The following UROS variants were observed in gnomAD, a reference collection of about 807,000 sequenced individuals.
UROS encodes uroporphyrinogen III synthase, also known as uroporphyrinogen-III synthase.
In UROS, 18 loss-of-function variants were observed where a neutral mutation model predicts 33.0. The observed-to-expected ratio is 0.55, with a 90% CI of 0.38 to 0.81. The LOEUF (loss-of-function observed/expected upper bound fraction) is 0.81, where lower values mean the gene tolerates loss of function less well. Among genes scored for constraint, UROS ranks in the 30% least tolerant of loss-of-function variants. UROS has a pLI of 0.00. For synonymous variants in UROS, 114 were observed against 121.1 expected (o/e 0.94, Z 0.38); for missense variants, 293 against 314.9 (o/e 0.93, Z 0.53).
chr10:125,803,703 G>A (rs1487349244), intron 6 of UROS, among the ~76,000 whole-genome samples: 2 of 152,218 alleles, frequency 1.3e-5, no homozygotes, highest in Non-Finnish European at 2.9e-5. Flanking sequence ...AGGGGCTGAT[G>A]TAAGGCCCCG....
chr10:125,801,960 A>G (rs1564786304), intron 6 of UROS: 2 of 962,124 alleles, frequency 2.1e-6, no homozygotes, highest in Non-Finnish European at 2.5e-6. Flanking sequence ...TCTTCACTGA[A>G]AACAGGCAGG....
rs1381544556 is a variant in UROS, at chr10:125,794,913, C to T, written c.627G>A (p.Gln209=). 4 of 1,613,998 alleles carry T rather than the reference C, an allele frequency of 2.5e-6. No individual in the cohort carries two copies. Among genetic ancestry groups the T allele is most frequent in the Non-Finnish European group, 3.4e-6 (4 of 1,180,012 alleles). ...GATCGATATTGTCACCAGATAACTC[C>T]TGAATGTGCTTGAGACTGTATGTGA... ...SGLTYSLKHI[Q]ELSGDNIDQI... The change falls in exon 9 of 10, where the codon CAG becomes CAA. Residue 209 remains glutamine (Q), a synonymous_variant. Transcript: ENST00000368797.
At chr10:125,789,547 A>G (rs1850770417) in intron 9 of UROS, 1 of 202,182 alleles carries the variant, frequency 4.9e-6, no homozygotes, top group Non-Finnish European at 9.7e-6. Context: ...CCGAAAAGAT[A>G]ACAGGACTCT....
intron 7 of UROS, among the ~76,000 whole-genome samples, chr10:125,797,148 C>T (rs186717978): frequency 3.3e-5 from 5 of 152,246 alleles, no homozygotes; most frequent in East Asian, 1.9e-4. Context: ...AGAAGGGATA[C>T]GATCTAGCTC....
At chr10:125,817,041 A>T (rs975708428) in intron 1 of UROS, among the ~76,000 whole-genome samples, 1 of 152,158 alleles carries the variant, frequency 6.6e-6, no homozygotes, top group African/African-American at 2.4e-5. Context: ...CAAAAGCTTT[A>T]TATACTTCAT....
intron 1 of UROS, 116 bp from the exon 2 acceptor site, chr10:125,816,641 T>C (rs537987293): frequency 2.1e-6 from 2 of 971,642 alleles, no homozygotes; most frequent in Admixed American, 2.0e-5. Context: ...AAGAGACCTA[T>C]CCCTCCTACA....
intron 9 of UROS, chr10:125,789,429 G>C (rs1376829531): frequency 1.9e-6 from 2 of 1,063,404 alleles, no homozygotes; most frequent in African/African-American, 3.3e-5. Context: ...GAGCCATCAA[G>C]GTCAGGGCTC....
intron 1 of UROS, among the ~76,000 whole-genome samples, chr10:125,822,162 C>T (rs1853981567): frequency 6.6e-6 from 1 of 152,142 alleles, no homozygotes; most frequent in Non-Finnish European, 1.5e-5. Flanking sequence ...CTGATGAACC[C>T]TGTTTCTCTC....
At chr10:125,812,398 G>C in intron 4 of UROS, 110 bp from the exon 5 acceptor site, 1 of 915,920 alleles carries the variant, frequency 1.1e-6, no homozygotes, top group South Asian at 1.4e-5. Context: ...CAAACTATTA[G>C]CAACCAAATG....
In UROS at chr10:125,800,425, G is replaced by A. The variant is rs7906141; in HGVS notation, c.395-2280C>T. On this transcript the variant is annotated intron_variant, in intron 6 of 9. Coordinates refer to ENST00000368797, the MANE Select transcript of UROS (RefSeq NM_000375.3). The stretch of plus-strand genomic sequence containing the variant: ...GTGTGCGTGCTGGGGGAACGGGGCG[G>A]AGTCACTAGGATTCGCACCTTACGC... Among the ~76,000 whole-genome samples, 592 of 152,334 alleles carry A rather than the reference G, an allele frequency of 3.9e-3. 5 individuals are homozygous for A. The highest frequency in any genetic ancestry group is 0.027 in the South Asian group (130 of 4,832).
intron 3 of UROS, 24 bp downstream of exon 3, chr10:125,816,153 G>T: frequency 6.2e-7 from 1 of 1,602,386 alleles, no homozygotes; most frequent in Non-Finnish European, 8.6e-7. Context: ...CACTAACATG[G>T]TGCTCAGTCA....
intron 6 of UROS, among the ~76,000 whole-genome samples, chr10:125,800,665 A>G (rs1851775548): frequency 6.6e-6 from 1 of 150,916 alleles, no homozygotes; most frequent in Non-Finnish European, 1.5e-5. Context: ...GGGCTCATGC[A>G]ATTCTCCTGC....
intron 4 of UROS, among the ~76,000 whole-genome samples, chr10:125,813,629 C>T (rs541341427): frequency 6.6e-6 from 1 of 152,272 alleles, no homozygotes; most frequent in African/African-American, 2.4e-5. Context: ...AGGCATGTGC[C>T]ACCACGCCCA....
At chr10:125,787,110 G>A (rs1243544967), downstream of UROS, among the ~76,000 whole-genome samples, 1 of 152,240 alleles carries the variant, frequency 6.6e-6, no homozygotes, top group Admixed American at 6.5e-5. Context: ...ACTGTTAATA[G>A]CCTCACATCT....
In UROS at chr10:125,815,109, C is replaced by A. The variant is rs200322717; in HGVS notation, c.169G>T (p.Gly57Trp). Residue 57 changes from glycine to tryptophan, a missense_variant, in exon 4 of 10, where the codon GGG (glycine) becomes TGG (tryptophan). Gly to Trp is a radical substitution (Grantham distance 184, BLOSUM62 -2). Transcript: ENST00000368797. ...SEKLSHPEDYGGLIFTSPRAV... is the reference protein window; with the variant it reads ...SEKLSHPEDYWGLIFTSPRAV... Reference sequence around the variant, plus strand: ...CTGGGGCTGGTAAAAATGAGTCCCCCGTAATCTTCAGGATGAGAAAGCTGC... The same window carrying A: ...CTGGGGCTGGTAAAAATGAGTCCCCAGTAATCTTCAGGATGAGAAAGCTGC... 1 of 1,614,104 alleles carries A rather than the reference C, an allele frequency of 6.2e-7. No individual in the cohort carries two copies. The highest frequency in any genetic ancestry group is 8.5e-7 in the Non-Finnish European group (1 of 1,180,020).
Position 125,818,581 on chromosome 10 carries a change from G to A in UROS, c.-26-2056C>T, listed in dbSNP as rs558345470. ...TGCTAGAGTCACATATTATCAGGCT[G>A]ATTGGGAAAGAAATCAATTGAGAAG... On this transcript the variant is annotated intron_variant, in intron 1 of 9. Transcript: ENST00000368797. Among the ~76,000 whole-genome samples, 55 of 152,298 alleles carry A rather than the reference G, an allele frequency of 3.6e-4. No homozygotes were observed. The South Asian group carries it at 3.9e-3, about 11-fold the overall frequency.
intron 6 of UROS, among the ~76,000 whole-genome samples, chr10:125,803,997 TTCC>T (rs1277001082): frequency 6.6e-6 from 1 of 152,260 alleles, no homozygotes; most frequent in East Asian, 1.9e-4. Context: ...ATATTTCGTT[TTCC>T]TCCCTGTTCC....
intron 1 of UROS, among the ~76,000 whole-genome samples, chr10:125,821,924 A>T (rs1442827850): frequency 6.6e-6 from 1 of 152,104 alleles, no homozygotes; most frequent in African/African-American, 2.4e-5. Context: ...CCCAGGAAAG[A>T]CCGAAATCAC....
intron 1 of UROS, among the ~76,000 whole-genome samples, chr10:125,821,111 T>C (rs1365576645): frequency 3.9e-5 from 6 of 152,218 alleles, no homozygotes; most frequent in African/African-American, 1.4e-4. Flanking sequence ...AGAATTACCA[T>C]ATGATCTAGC....
Sources: gnomAD v4.1 joint callset for allele counts (sites outside exome capture counted in the v4.1 genomes callset) on GRCh38, gnomAD v4.1.1 for gene constraint, MANE v1.5 for transcripts, NCBI Gene and HGNC (gene_info 2026-07-23, HGNC 2026-07-21) for gene names.